Variants in AIDA observed in about 807,000 individuals in gnomAD.
The protein encoded by AIDA is axin interactor, dorsalization-associated protein.
In AIDA, 18 loss-of-function variants were observed where a neutral mutation model predicts 42.7. The observed-to-expected ratio is 0.42, with a 90% confidence interval of 0.29 to 0.63. AIDA has a LOEUF of 0.63. Ranked by LOEUF, AIDA falls within the 20% of genes least tolerant of loss-of-function variation. The probability of loss-of-function intolerance (pLI) is 0.19; values close to 1 mark genes in which losing one functional copy is unlikely to be tolerated. For missense variants in AIDA, 250 were observed against 354.1 expected (o/e 0.71, Z 2.36); for synonymous variants, 104 against 122.9 (o/e 0.85, Z 1.02).
At chr1:222,676,068 GA>G (rs754461986) in intron 7 of AIDA, 27 bp downstream of exon 7, 130 of 1,510,632 alleles carry the variant, frequency 8.6e-5, no homozygotes, top group Admixed American at 3.0e-4. Context: ...ATTCACCTGA[GA>G]AAAAAAAAGT....
chr1:222,677,629 T>C (rs933120308), intron 6 of AIDA, among the ~76,000 whole-genome samples: 1 of 152,168 alleles, frequency 6.6e-6, no homozygotes, highest in East Asian at 1.9e-4. Flanking sequence ...TGAAAGAAAT[T>C]AGAATGTAAT....
chr1:222,691,502 T>A (rs549276607), intron 4 of AIDA, among the ~76,000 whole-genome samples: 1 of 152,144 alleles, frequency 6.6e-6, no homozygotes, highest in Non-Finnish European at 1.5e-5. Flanking sequence ...AGTATAAACC[T>A]ACATTATTAT....
At chr1:222,704,780 A>C (rs1462365294) in intron 1 of AIDA, among the ~76,000 whole-genome samples, 1 of 152,234 alleles carries the variant, frequency 6.6e-6, no homozygotes, top group Non-Finnish European at 1.5e-5. Context: ...TGTACGCTTT[A>C]AACTGGTAAG....
chr1:222,700,543 G>A (rs1194201393), intron 2 of AIDA, among the ~76,000 whole-genome samples: 1 of 152,052 alleles, frequency 6.6e-6, no homozygotes, highest in African/African-American at 2.4e-5. Flanking sequence ...GGATCACGAG[G>A]TCAGGAGATC....
chr1:222,698,252 C>T (rs1655576467), intron 2 of AIDA, among the ~76,000 whole-genome samples: 1 of 152,020 alleles, frequency 6.6e-6, no homozygotes, highest in African/African-American at 2.4e-5. Flanking sequence ...CTATTTATCA[C>T]CAATTAATAA....
At chr1:222,682,054 T>C (rs1664664614) in intron 6 of AIDA, among the ~76,000 whole-genome samples, 1 of 152,190 alleles carries the variant, frequency 6.6e-6, no homozygotes, top group Admixed American at 6.5e-5. Context: ...TATGAATGGA[T>C]GAGGAGTCTG....
intron 2 of AIDA, among the ~76,000 whole-genome samples, chr1:222,698,407 A>C (rs1049329931): frequency 6.6e-6 from 1 of 152,136 alleles, no homozygotes; most frequent in African/African-American, 2.4e-5. Flanking sequence ...ATGTGAATAA[A>C]TATCAACAAC....
chr1:222,672,794 G>C (rs182950968), intron 8 of AIDA, among the ~76,000 whole-genome samples: 1 of 152,198 alleles, frequency 6.6e-6, no homozygotes, highest in Non-Finnish European at 1.5e-5. Context: ...CACCTTTTTG[G>C]AGAACACTCA....
intron 6 of AIDA, among the ~76,000 whole-genome samples, chr1:222,686,144 G>A (rs1054025290): frequency 6.6e-6 from 1 of 152,120 alleles, no homozygotes; most frequent in Non-Finnish European, 1.5e-5. Context: ...TTGGGTGACA[G>A]AACGAGACTC....
At chr1:222,703,079 T>G in intron 2 of AIDA, 69 bp downstream of exon 2, 1 of 1,288,780 alleles carries the variant, frequency 7.8e-7, no homozygotes, top group South Asian at 1.4e-5. Flanking sequence ...TTTGTTTTGC[T>G]TAATGAACTC....
rs372818989 is a variant in AIDA, at chr1:222,686,045, A to C, written c.460+885T>G. On this transcript the variant is annotated intron_variant, in intron 6 of 9. Transcript: ENST00000340020. The stretch of plus-strand genomic sequence containing the variant: ...TGTGGTGGCATGCACCTAGAATCCC[A>C]GCTACTTGGGAGGCTGAGATGCGAG... Among the ~76,000 whole-genome samples the C allele has an allele frequency of 3.4e-4, 52 of 152,330 alleles. 1 individual carries two copies. The East Asian group carries it at 9.8e-3, about 29-fold the overall frequency.
intron 1 of AIDA, among the ~76,000 whole-genome samples, chr1:222,708,527 C>CCGGCTAAT (rs1463229519): frequency 6.6e-6 from 1 of 151,774 alleles, no homozygotes; most frequent in Non-Finnish European, 1.5e-5. Context: ...GCCACCACGC[C>CCGGCTAAT]CGGCTAATGT....
intron 1 of AIDA, among the ~76,000 whole-genome samples, chr1:222,708,850 T>C (rs557849029): frequency 1.3e-5 from 2 of 152,348 alleles, no homozygotes; most frequent in African/African-American, 4.8e-5. Flanking sequence ...ATGCCTATTT[T>C]AGTCTTGACA....
chr1:222,682,718 T>C (rs993374551), intron 6 of AIDA, among the ~76,000 whole-genome samples: 3 of 152,306 alleles, frequency 2.0e-5, no homozygotes, highest in Admixed American at 2.0e-4. Context: ...TGAGTATATA[T>C]TTCTTTGTGC....
chr1:222,677,542 G>T (rs947514536), intron 6 of AIDA, among the ~76,000 whole-genome samples: 2 of 151,956 alleles, frequency 1.3e-5, no homozygotes, highest in Non-Finnish European at 2.9e-5. Context: ...TGACTGAGGC[G>T]CTAAATGTCA....
chr1:222,711,730 T>C (rs1656050295), intron 1 of AIDA: 1 of 154,828 alleles, frequency 6.5e-6, no homozygotes, highest in South Asian at 1.8e-4. Context: ...AGTTCCCTCC[T>C]TTCCTACGCA....
At chr1:222,674,313 C>T (rs1664508559) in intron 7 of AIDA, among the ~76,000 whole-genome samples, 1 of 151,790 alleles carries the variant, frequency 6.6e-6, no homozygotes, top group Non-Finnish European at 1.5e-5. Flanking sequence ...CAATCAGGTA[C>T]AAAAGAAAGC....
At chr1:222,707,479 C>T (rs555696636) in intron 1 of AIDA, among the ~76,000 whole-genome samples, 18 of 152,094 alleles carry the variant, frequency 1.2e-4, no homozygotes, top group East Asian at 1.2e-3. Flanking sequence ...CTTTTTAAGC[C>T]GACATGAAAA....
intron 4 of AIDA, 81 bp from the exon 5 acceptor site, chr1:222,687,739 CA>C: frequency 9.1e-7 from 1 of 1,093,128 alleles, no homozygotes; most frequent in Admixed American, 2.7e-5. Flanking sequence ...AATTTTTAAT[CA>C]ATTTTATTGT....
Sources: gnomAD v4.1 joint callset for allele counts (sites outside exome capture counted in the v4.1 genomes callset) on GRCh38, gnomAD v4.1.1 for gene constraint, MANE v1.5 for transcripts, NCBI Gene and HGNC (gene_info 2026-07-23, HGNC 2026-07-21) for gene names.